Variants in TMEM135 observed in about 807,000 individuals in gnomAD.
TMEM135 encodes the protein peroxisomal membrane protein 52.
TMEM135 carries 30 observed loss-of-function variants against 60.3 expected under a neutral mutation model. The observed-to-expected ratio is 0.50, with a 90% CI of 0.37 to 0.68. TMEM135 has a LOEUF of 0.68. Ranked by LOEUF, TMEM135 falls within the 30% of genes least tolerant of loss-of-function variation. The pLI is 0.00. For synonymous variants in TMEM135, 190 were observed against 186.7 expected (o/e 1.02, Z -0.14); for missense variants, 468 against 548.8 (o/e 0.85, Z 1.47).
intron 4 of TMEM135, among the ~76,000 whole-genome samples, chr11:87,149,406 A>G (rs1419188074): frequency 2.0e-5 from 3 of 152,094 alleles, no homozygotes; most frequent in Middle Eastern, 3.2e-3. Context: ...TAATTCAGAG[A>G]GGGAGAGGGA....
At chr11:87,251,080 A>G (rs1003575917) in intron 6 of TMEM135, among the ~76,000 whole-genome samples, 2 of 152,216 alleles carry the variant, frequency 1.3e-5, no homozygotes, top group Non-Finnish European at 2.9e-5. Context: ...AAAATTGAAT[A>G]CAAGCTTTGC....
intron 1 of TMEM135, among the ~76,000 whole-genome samples, chr11:87,041,667 C>G (rs1455819171): frequency 6.6e-6 from 1 of 152,198 alleles, no homozygotes; most frequent in Non-Finnish European, 1.5e-5. Context: ...ATATATGTCT[C>G]TATCTTCTGT....
chr11:87,301,407 C>T (rs918726873), intron 7 of TMEM135, among the ~76,000 whole-genome samples: 1 of 152,114 alleles, frequency 6.6e-6, no homozygotes, highest in African/African-American at 2.4e-5. Context: ...GCGTACACCA[C>T]CATGCCCAGC....
chr11:87,078,775 C>T lies in TMEM135; in HGVS notation c.362+7160C>T, dbSNP rs555063807. On this transcript the variant is annotated intron_variant, in intron 3 of 14. Transcript: ENST00000305494. ...ACTGCAGGTGTGTGCCACTACACCT[C>T]GCTAATTTTTGTATTTCTTTTTTTT... is the stretch of plus-strand genomic sequence containing the variant. Among the ~76,000 whole-genome samples the T allele has an allele frequency of 4.7e-4, 63 of 135,298 alleles. 2 individuals carry two copies. In the Admixed American group the frequency reaches 4.7e-3, roughly 10 times the overall value. 88.8% of individuals were successfully genotyped at this position (135,298 alleles called of 152,430 possible).
chr11:87,157,462 A>AAAAT, intron 5 of TMEM135, 56 bp downstream of exon 5: 1 of 1,413,044 alleles, frequency 7.1e-7, no homozygotes, highest in South Asian at 1.2e-5. Flanking sequence ...TTGCGATTTT[A>AAAAT]AAATATAAAA....
intron 5 of TMEM135, among the ~76,000 whole-genome samples, chr11:87,198,607 T>C (rs1940016734): frequency 7.0e-6 from 1 of 143,878 alleles, no homozygotes; most frequent in African/African-American, 2.5e-5. Context: ...TGCTTCCTCT[T>C]CCTTTCCATC....
chr11:87,320,624 A>G (rs368013033), intron 14 of TMEM135, among the ~76,000 whole-genome samples: 1 of 152,274 alleles, frequency 6.6e-6, no homozygotes. Context: ...AAAATGTTAT[A>G]TATCTTAGGT....
intron 5 of TMEM135, among the ~76,000 whole-genome samples, chr11:87,224,346 T>C (rs1426320993): frequency 3.3e-5 from 5 of 152,248 alleles, no homozygotes; most frequent in Non-Finnish European, 5.9e-5. Context: ...TGCTATCTTA[T>C]TGGCCACCTT....
intron 5 of TMEM135, among the ~76,000 whole-genome samples, chr11:87,160,114 A>C (rs75968939): frequency 0.021 from 3,173 of 152,284 alleles, 35 homozygotes; most frequent in South Asian, 0.032. Context: ...TGGTATATCC[A>C]AATTACAAAA....
At chr11:87,204,373 G>T (rs953465671) in intron 5 of TMEM135, among the ~76,000 whole-genome samples, 83 of 152,018 alleles carry the variant, frequency 5.5e-4, no homozygotes, top group African/African-American at 1.9e-3. Flanking sequence ...CTTCCCTAGA[G>T]AGTACCTTTT....
At chr11:87,187,885 G>A (rs1939693082) in intron 5 of TMEM135, among the ~76,000 whole-genome samples, 1 of 152,122 alleles carries the variant, frequency 6.6e-6, no homozygotes, top group Non-Finnish European at 1.5e-5. Flanking sequence ...TGCCTGGCTA[G>A]GGGCTGTTTA....
At position 87,321,406 on chromosome 11, in the gene TMEM135, G is replaced by A; in HGVS notation, c.*73G>A. 6.5e-7 allele frequency: 1 copy of A among 1,541,516 alleles called. No homozygotes were observed. Among genetic ancestry groups the A allele is most frequent in the South Asian group, 1.1e-5 (1 of 89,594 alleles). On this transcript the variant is annotated 3_prime_UTR_variant, in exon 15 of 15. Transcript: ENST00000305494. ...TTAATTATGTTGAACACAAAGGAGG[G>A]GGCCCAAGCTCGAACTTCAGTGTTA...
chr11:87,190,198 TTAC>T (rs1438685617), intron 5 of TMEM135, among the ~76,000 whole-genome samples: 2 of 152,204 alleles, frequency 1.3e-5, no homozygotes, highest in Non-Finnish European at 2.9e-5. Flanking sequence ...TTCAAAGCTC[TTAC>T]TACTCCCTGA....
chr11:87,307,712 G>A (rs529899787), intron 9 of TMEM135, among the ~76,000 whole-genome samples: 1 of 152,282 alleles, frequency 6.6e-6, no homozygotes, highest in East Asian at 1.9e-4. Context: ...AGACCTGTGG[G>A]TGAGGAATTT....
intron 6 of TMEM135, among the ~76,000 whole-genome samples, chr11:87,291,515 A>ATTTTTTTTTTTTTTTTTT (rs869273724): frequency 2.0e-5 from 1 of 50,532 alleles, no homozygotes; most frequent in African/African-American, 7.4e-5. Flanking sequence ...CAGCCAAGTG[A>ATTTTTTTTTTTTTTTTTT]TTTTTTTTTT....
chr11:87,275,036 T>C (rs567782263), intron 6 of TMEM135, among the ~76,000 whole-genome samples: 1 of 152,128 alleles, frequency 6.6e-6, no homozygotes, highest in East Asian at 1.9e-4. Flanking sequence ...TTTGTTGTAA[T>C]ATTAAATGAA....
At position 87,323,420 on chromosome 11, in the gene TMEM135, T is replaced by A; in HGVS notation, c.*2087T>A. 2.2e-6 allele frequency: 1 copy of A among 454,020 alleles called. No homozygotes were observed. Among genetic ancestry groups the A allele is most frequent in the Non-Finnish European group, 4.4e-6 (1 of 226,734 alleles). The allele number at this position is 454,020 out of a possible 1,614,324, so 28.1% of individuals were successfully genotyped here. The stretch of plus-strand genomic sequence containing the variant: ...TTTGAGCAAACACAAAGAAACTTTG[T>A]GTTTTTGAAGACAATCAGAATGATT... On this transcript the variant is annotated 3_prime_UTR_variant, in exon 15 of 15. Transcript: ENST00000305494.
rs1252267433 is a variant in TMEM135 at position 87,051,082 on chromosome 11, A to G, written c.141+12896A>G. Reference sequence around the variant, plus strand: ...ACAAAAACCACATGATTATCTCAATAGATGCAGAAAAAACCTTTGACAAAA... The same window carrying G: ...ACAAAAACCACATGATTATCTCAATGGATGCAGAAAAAACCTTTGACAAAA... On this transcript the variant is annotated intron_variant, in intron 1 of 14. Transcript: ENST00000305494. 3.3e-5 allele frequency among the ~76,000 whole-genome samples: 3 copies of G among 91,308 alleles called. 1 individual carries two copies. The highest frequency in any genetic ancestry group is 3.7e-4 in the South Asian group (1 of 2,680). The allele number at this position is 91,308 out of a possible 152,430, so 59.9% of individuals were successfully genotyped here.
chr11:87,067,493 T>A (rs1213253666), intron 1 of TMEM135, among the ~76,000 whole-genome samples: 1 of 152,204 alleles, frequency 6.6e-6, no homozygotes, highest in Non-Finnish European at 1.5e-5. Flanking sequence ...TCGTAATTCC[T>A]TGGTGTATAT....
Sources: allele counts gnomAD v4.1 joint callset (sites outside exome capture counted in the v4.1 genomes callset), GRCh38; gene constraint gnomAD v4.1.1; transcripts MANE v1.5; gene names NCBI Gene and HGNC (gene_info 2026-07-23, HGNC 2026-07-21).